SPON1: variants seen among roughly 807,000 people sequenced by gnomAD.
The protein encoded by SPON1 is spondin 1.
In SPON1, 52 loss-of-function variants were observed where a neutral mutation model predicts 111.7. The ratio of observed to expected loss-of-function variants is 0.47; its 90% CI spans 0.37 to 0.59. SPON1 has a LOEUF of 0.59. Among genes scored for constraint, SPON1 ranks in the 20% least tolerant of loss-of-function variants. SPON1 has a pLI of 0.00. For missense variants in SPON1, 957 were observed against 1,068.5 expected (o/e 0.90, Z 1.46); for synonymous variants, 410 against 395.8 (o/e 1.04, Z -0.43).
intron 6 of SPON1, among the ~76,000 whole-genome samples, chr11:14,229,380 G>T (rs1490275860): frequency 2.6e-5 from 4 of 152,172 alleles, no homozygotes; most frequent in Admixed American, 2.6e-4. Context: ...CCAGACAGAA[G>T]GATCCAATGC....
At chr11:14,113,944 T>C (rs1298499503) in intron 5 of SPON1, among the ~76,000 whole-genome samples, 1 of 152,172 alleles carries the variant, frequency 6.6e-6, no homozygotes, top group East Asian at 1.9e-4. Context: ...AGTGGGTTTA[T>C]ATGTGTATAG....
At chr11:14,041,185 C>G (rs1848628352) in intron 2 of SPON1, among the ~76,000 whole-genome samples, 1 of 152,020 alleles carries the variant, frequency 6.6e-6, no homozygotes, top group South Asian at 2.1e-4. Context: ...TTGGATTACC[C>G]CTCCCCCATC....
chr11:14,081,031 C>T (rs11023080), intron 5 of SPON1, among the ~76,000 whole-genome samples: 248 of 152,034 alleles, frequency 1.6e-3, no homozygotes, highest in Middle Eastern at 3.4e-3. Context: ...CTGCAGTGAG[C>T]CATGACCACA....
At chr11:14,122,452 C>T (rs1177778112) in intron 5 of SPON1, among the ~76,000 whole-genome samples, 1 of 152,164 alleles carries the variant, frequency 6.6e-6, no homozygotes, top group African/African-American at 2.4e-5. Context: ...GGATTACAGG[C>T]GTGAGCCACT....
chr11:14,108,598 C>T (rs191142482), intron 5 of SPON1, among the ~76,000 whole-genome samples: 78 of 152,296 alleles, frequency 5.1e-4, no homozygotes, highest in African/African-American at 1.8e-3. Context: ...TTTTATACTA[C>T]AAGGCCTAAC....
At chr11:14,200,086 T>C (rs1288366174) in intron 6 of SPON1, among the ~76,000 whole-genome samples, 1 of 152,102 alleles carries the variant, frequency 6.6e-6, no homozygotes, top group South Asian at 2.1e-4. Flanking sequence ...AGACACAACT[T>C]AAGAACCACC....
chr11:14,056,672 G>A (rs782529183), intron 3 of SPON1, among the ~76,000 whole-genome samples: 8 of 152,242 alleles, frequency 5.3e-5, no homozygotes, highest in Middle Eastern at 6.8e-3. Context: ...GGTGGATCAC[G>A]AGGTCAGGAG....
At chr11:14,120,378 T>G (rs1450854674) in intron 5 of SPON1, among the ~76,000 whole-genome samples, 2 of 152,064 alleles carry the variant, frequency 1.3e-5, no homozygotes, top group African/African-American at 4.8e-5. Context: ...CCCATATACC[T>G]CCCAGTCTCC....
intron 5 of SPON1, among the ~76,000 whole-genome samples, chr11:14,113,828 T>C (rs1849246537): frequency 6.6e-6 from 1 of 151,738 alleles, no homozygotes; most frequent in African/African-American, 2.4e-5. Flanking sequence ...ATGGTCTCGA[T>C]CTCCTGACCT....
intron 6 of SPON1, among the ~76,000 whole-genome samples, chr11:14,213,606 T>G (rs1252999950): frequency 6.6e-6 from 1 of 152,226 alleles, no homozygotes; most frequent in Non-Finnish European, 1.5e-5. Flanking sequence ...CAAAGCACTT[T>G]CTATGTACAA....
intron 2 of SPON1, among the ~76,000 whole-genome samples, chr11:14,037,529 G>GAAAA (rs34072683): frequency 9.5e-4 from 139 of 147,050 alleles, no homozygotes; most frequent in Middle Eastern, 7.1e-3. Context: ...TCCACATGTA[G>GAAAA]AAAAAAAAAA....
rs543962726 is a variant in SPON1, at chr11:14,102,329, T to C, written c.676+22308T>C. On this transcript the variant is annotated intron_variant, in intron 5 of 15. Coordinates refer to ENST00000576479, the MANE Select transcript of SPON1 (RefSeq NM_006108.4). ...AAACAGAAGCAAGTGCAATTAATTTTAATGTTCTATTCTATTTTATTTAAG... is the reference window on the plus strand; with the variant it reads ...AAACAGAAGCAAGTGCAATTAATTTCAATGTTCTATTCTATTTTATTTAAG... 5.3e-5 allele frequency among the ~76,000 whole-genome samples: 8 copies of C among 152,364 alleles called. No individual in the cohort carries two copies. The South Asian group carries it at 1.4e-3, about 28-fold the overall frequency.
chr11:14,094,553 T>C (rs1849084162), intron 5 of SPON1, among the ~76,000 whole-genome samples: 1 of 152,236 alleles, frequency 6.6e-6, no homozygotes, highest in Admixed American at 6.5e-5. Context: ...TTGAATCTTT[T>C]TTCATGTTTA....
chr11:14,150,440 A>G (rs1185204072), intron 6 of SPON1, among the ~76,000 whole-genome samples: 2 of 152,094 alleles, frequency 1.3e-5, no homozygotes, highest in Non-Finnish European at 2.9e-5. Flanking sequence ...GTTTTCAAAT[A>G]TAGCTAGAAG....
intron 2 of SPON1, among the ~76,000 whole-genome samples, chr11:14,003,630 G>A (rs1411461275): frequency 6.6e-6 from 1 of 152,104 alleles, no homozygotes; most frequent in Non-Finnish European, 1.5e-5. Flanking sequence ...AAGCGGGAGA[G>A]CTGAAGGGAC....
chr11:14,083,739 T>A (rs1848982184), intron 5 of SPON1, among the ~76,000 whole-genome samples: 1 of 152,234 alleles, frequency 6.6e-6, no homozygotes, highest in Admixed American at 6.5e-5. Context: ...TTCATAATAA[T>A]GAACACAAGT....
chr11:13,968,705 C>T (rs1242419531), intron 1 of SPON1, among the ~76,000 whole-genome samples: 10 of 152,146 alleles, frequency 6.6e-5, no homozygotes, highest in East Asian at 3.9e-4. Flanking sequence ...CTCTGCACAC[C>T]TGTATTCAGT....
intron 11 of SPON1, among the ~76,000 whole-genome samples, chr11:14,258,134 A>C (rs1849130719): frequency 6.6e-6 from 1 of 152,240 alleles, no homozygotes; most frequent in Non-Finnish European, 1.5e-5. Flanking sequence ...TTTACTGAAG[A>C]GCTAACAAAC....
At chr11:14,068,057 A>C (rs562622094) in intron 3 of SPON1, among the ~76,000 whole-genome samples, 1 of 152,328 alleles carries the variant, frequency 6.6e-6, no homozygotes, top group South Asian at 2.1e-4. Context: ...CATCTAAAGT[A>C]GTTCTTTTTA....
Sources: gnomAD v4.1 joint callset for allele counts (sites outside exome capture counted in the v4.1 genomes callset) on GRCh38, gnomAD v4.1.1 for gene constraint, MANE v1.5 for transcripts, NCBI Gene and HGNC (gene_info 2026-07-23, HGNC 2026-07-21) for gene names.